The following MESD variants were observed in gnomAD, a reference collection of about 807,000 sequenced individuals.
MESD encodes the protein LRP chaperone MESD.
Under a neutral mutation model 12.9 loss-of-function variants are expected in MESD, and 7 were observed. The ratio of observed to expected loss-of-function variants is 0.54; its 90% CI spans 0.31 to 1.02. The LOEUF (loss-of-function observed/expected upper bound fraction) is 1.02, where lower values mean the gene tolerates loss of function less well. Among genes scored for constraint, MESD ranks in the 50% least tolerant of loss-of-function variants. The probability of loss-of-function intolerance (pLI) is 0.05; values close to 1 mark genes in which losing one functional copy is unlikely to be tolerated. For synonymous variants in MESD, 126 were observed against 115.6 expected, an observed-to-expected ratio of 1.09 and a Z score of -0.58; for missense variants, 342 against 296.7, an observed-to-expected ratio of 1.15 and a Z score of -1.12.
chr15:80,982,382 G>T (rs1450696049), intron 1 of MESD, among the ~76,000 whole-genome samples, 200 bp from the exon 2 acceptor site: 1 of 152,104 alleles, frequency 6.6e-6, no homozygotes, highest in Non-Finnish European at 1.5e-5. Flanking sequence ...CCACACCCAG[G>T]TTACCAATCA....
chr15:80,947,097 C>T, downstream of MESD: 1 of 1,430,622 alleles, frequency 7.0e-7, no homozygotes, highest in Non-Finnish European at 9.9e-7. Context: ...TAAACTGACC[C>T]CAAAACCAGA....
rs773689774 is a variant in MESD at position 80,979,495 on chromosome 15, A to AGG, written c.447-19_447-18insCC. ...CAATGAACCTTGGGCAGAGAGATGC[A>AGG]ATCAGTCAGCCAGCACGTACTAGTA... On this transcript the variant is annotated intron_variant, in intron 2 of 2. Transcript: ENST00000261758. The AGG allele has an allele frequency of 9.9e-6, 16 of 1,610,648 alleles. No individual in the cohort carries two copies. The highest frequency in any genetic ancestry group is 1.3e-5 in the African/African-American group (1 of 74,870).
intron 1 of MESD, among the ~76,000 whole-genome samples, chr15:80,989,272 G>A (rs1359092061): frequency 1.3e-5 from 2 of 152,164 alleles, no homozygotes; most frequent in African/African-American, 4.8e-5. Context: ...AGACAACCAG[G>A]GCACTGAAGG....
intron 3 of MESD, among the ~76,000 whole-genome samples, chr15:80,953,312 A>G (rs1901890349): frequency 2.6e-5 from 4 of 152,208 alleles, no homozygotes; most frequent in Admixed American, 2.6e-4. Flanking sequence ...TGCATAGAAG[A>G]GGCATCCAGG....
chr15:80,981,808 T>A (rs1187876444), intron 2 of MESD, 142 bp downstream of exon 2: 1 of 643,954 alleles, frequency 1.6e-6, no homozygotes, highest in Non-Finnish European at 2.6e-6. Context: ...TGAGCCGAGA[T>A]CACGCCGCTG....
chr15:80,963,396 A>T (rs950120600), intron 3 of MESD, among the ~76,000 whole-genome samples: 3 of 152,238 alleles, frequency 2.0e-5, no homozygotes, highest in African/African-American at 7.2e-5. Context: ...ATTCTACCAG[A>T]GGTACAAAGA....
At chr15:80,969,464 G>A (rs765580869) in intron 3 of MESD, among the ~76,000 whole-genome samples, 1 of 151,984 alleles carries the variant, frequency 6.6e-6, no homozygotes, top group Non-Finnish European at 1.5e-5. Context: ...CTTGGCACAT[G>A]GGTCTGAGAA....
intron 1 of MESD, among the ~76,000 whole-genome samples, chr15:80,982,509 C>T (rs759164170): frequency 4.3e-4 from 65 of 152,164 alleles, no homozygotes; most frequent in Non-Finnish European, 6.9e-4. Context: ...AAATACTTCA[C>T]AGCAACAGAG....
downstream of MESD, among the ~76,000 whole-genome samples, chr15:80,974,760 AAAC>A (rs201970904): frequency 0.048 from 7,314 of 151,000 alleles, 222 homozygotes; most frequent in Middle Eastern, 0.16. Context: ...GAAAAAAAAA[AAAC>A]AACACTAAGA....
In MESD at chr15:80,976,748, G is replaced by A. The variant is rs1040206214; in HGVS notation, c.*2471C>T. On this transcript the variant is annotated 3_prime_UTR_variant, in exon 3 of 3. Coordinates refer to ENST00000261758, the MANE Select transcript of MESD (RefSeq NM_015154.3). Reference sequence around the variant, plus strand: ...TTTCAGATATAAACAAAAGTGTACCGAAATATTTTGTATGAAAATGTCCAC... The same window carrying A: ...TTTCAGATATAAACAAAAGTGTACCAAAATATTTTGTATGAAAATGTCCAC... 1.3e-5 allele frequency: 2 copies of A among 152,144 alleles called. No individual in the cohort carries two copies. The highest frequency in any genetic ancestry group is 4.1e-4 in the South Asian group (2 of 4,828). The allele number at this position is 152,144 out of a possible 1,614,324, so 9.4% of individuals were successfully genotyped here. A position where few individuals can be genotyped will look rare whatever the true frequency, so the allele number is the denominator to read the frequency against.
rs745305985 is a variant in MESD at position 80,948,918 on chromosome 15, G to A, written c.*627-20C>T. The A allele has an allele frequency of 1.8e-5, 29 of 1,614,232 alleles. 1 individual carries two copies. Among genetic ancestry groups the A allele is most frequent in the African/African-American group, 1.5e-4 (11 of 75,072 alleles). ...CCATCCCTGTGGTGAAGAAGAAGAA[G>A]TTGTGAGGACAGCTGCCGCCCGGTG... On this transcript the variant is annotated intron_variant, in intron 4 of 4. Coordinates refer to the MESD transcript ENST00000561312.
intron 3 of MESD, among the ~76,000 whole-genome samples, chr15:80,966,211 T>G (rs1038763272): frequency 3.3e-5 from 5 of 152,176 alleles, no homozygotes; most frequent in Admixed American, 1.3e-4. Flanking sequence ...ATTTTTTTTT[T>G]TGGACCTACT....
downstream of MESD, among the ~76,000 whole-genome samples, chr15:80,971,365 C>T (rs1902284535): frequency 6.6e-6 from 1 of 152,190 alleles, no homozygotes; most frequent in Non-Finnish European, 1.5e-5. Context: ...AAGACCCCTC[C>T]TTAGAAACTT....
chr15:80,974,109 G>C (rs751277338), downstream of MESD, among the ~76,000 whole-genome samples: 19 of 152,162 alleles, frequency 1.2e-4, no homozygotes, highest in Non-Finnish European at 2.4e-4. Flanking sequence ...ACTCAGGAAA[G>C]CCACAGGAGA....
downstream of MESD, chr15:80,947,170 A>C (rs1901593523): frequency 4.0e-6 from 3 of 741,436 alleles, no homozygotes; most frequent in Non-Finnish European, 7.2e-6. Flanking sequence ...CATGCTTTGT[A>C]CTAAACGTGG....
downstream of MESD, among the ~76,000 whole-genome samples, chr15:80,974,911 G>A (rs1306018032): frequency 1.3e-5 from 2 of 150,916 alleles, no homozygotes; most frequent in African/African-American, 4.9e-5. Flanking sequence ...AATCCCTAAG[G>A]AGTCTAAGAA....
rs755132914 is a variant in MESD at position 80,989,607 on chromosome 15, T to G, written c.185A>C (p.Asp62Ala). Residue 62 changes from aspartate (D) to alanine (A), a missense_variant, in exon 1 of 3, where the codon GAC becomes GCC. Coordinates refer to ENST00000261758, the MANE Select transcript of MESD (RefSeq NM_015154.3). ...KKDIRDYNDA[D>A]MARLLEQWEK... ...CCATTGCTCCAGAAGACGCGCCATG[T>G]CTGCATCATTGTAATCGCGAATATC... 3 of 1,613,926 alleles carry G rather than the reference T, an allele frequency of 1.9e-6. No homozygotes were observed. In the East Asian group the frequency reaches 6.7e-5, roughly 36 times the overall value.
At position 80,979,146 on chromosome 15, in the gene MESD, C is replaced by G. The variant is rs1902501386; in HGVS notation, c.*73G>C. On this transcript the variant is annotated 3_prime_UTR_variant, in exon 3 of 3. Coordinates refer to ENST00000261758, the MANE Select transcript of MESD (RefSeq NM_015154.3). Reference sequence around the variant, plus strand: ...TCCGGTGTGCAGTTGCCTGAGACCACTCCCACCCCAGGAGCTGGGCAAAGA... The same window carrying G: ...TCCGGTGTGCAGTTGCCTGAGACCAGTCCCACCCCAGGAGCTGGGCAAAGA... The G allele has an allele frequency of 2.9e-5, 45 of 1,549,536 alleles. No homozygotes were observed. The highest frequency in any genetic ancestry group is 3.7e-5 in the Non-Finnish European group (43 of 1,149,618).
At chr15:80,984,849 T>C (rs992564546) in intron 1 of MESD, among the ~76,000 whole-genome samples, 24 of 152,156 alleles carry the variant, frequency 1.6e-4, no homozygotes, top group Admixed American at 1.3e-3. Flanking sequence ...TAAGATACCA[T>C]TAATAATGTA....
Sources: gnomAD v4.1 joint callset for allele counts (sites outside exome capture counted in the v4.1 genomes callset) on GRCh38, gnomAD v4.1.1 for gene constraint, MANE v1.5 for transcripts, NCBI Gene and HGNC (gene_info 2026-07-23, HGNC 2026-07-21) for gene names.